MED28: variants seen among roughly 807,000 people sequenced by gnomAD.
MED28 encodes mediator complex subunit 28, also known as mediator of RNA polymerase II transcription subunit 28.
In MED28, 26 loss-of-function variants were observed where a neutral mutation model predicts 21.3. The ratio of observed to expected loss-of-function variants is 1.22; its 90% CI spans 0.89 to 1.69. The LOEUF (loss-of-function observed/expected upper bound fraction) is 1.69. Ranked by LOEUF, MED28 falls within the 40% of genes most tolerant of loss-of-function variation. The probability of loss-of-function intolerance (pLI) is 0.00; values close to 1 mark genes in which losing one functional copy is unlikely to be tolerated. For synonymous variants in MED28, 110 were observed against 87.6 expected (o/e 1.26, Z -1.43); for missense variants, 257 against 215.4 (o/e 1.19, Z -1.21).
chr4:17,620,441 C>T (rs74772193), intron 2 of MED28, among the ~76,000 whole-genome samples: 1 of 150,014 alleles, frequency 6.7e-6, no homozygotes, highest in African/African-American at 2.5e-5. Flanking sequence ...TCAGGCAGTT[C>T]TCTTGTCTCA....
In MED28 at chr4:17,632,666, T is replaced by A; in HGVS notation, c.*8868T>A. 1 of 1,370,506 alleles carries A rather than the reference T, an allele frequency of 7.3e-7. No homozygotes were observed. The highest frequency in any genetic ancestry group is 1.0e-6 in the Non-Finnish European group (1 of 988,442). 84.9% of individuals were successfully genotyped at this position (1,370,506 alleles called of 1,614,324 possible). On this transcript the variant is annotated 3_prime_UTR_variant, in exon 4 of 4. Coordinates refer to ENST00000237380, the MANE Select transcript of MED28 (RefSeq NM_025205.5). ...GGTTTTTTTATATGGTTTTGAAAAC[T>A]ATGCAAGAAGCAGCTTAATACCCAC...
Position 17,629,917 on chromosome 4 carries a change from T to G in MED28, c.*6119T>G, listed in dbSNP as rs1714874762. The stretch of plus-strand genomic sequence containing the variant: ...AACAAACAAAAAGCTTAAGTTTGTG[T>G]CCTTAAATGCCTTACTTCAATACCC... On this transcript the variant is annotated 3_prime_UTR_variant, in exon 4 of 4. Transcript: ENST00000237380. 1 of 152,220 alleles carries G rather than the reference T, an allele frequency of 6.6e-6. No individual in the cohort carries two copies. Among genetic ancestry groups the G allele is most frequent in the Admixed American group, 6.5e-5 (1 of 15,280 alleles). The allele number at this position is 152,220 out of a possible 1,614,324, so 9.4% of individuals were successfully genotyped here.
intron 3 of MED28, among the ~76,000 whole-genome samples, chr4:17,623,361 A>T (rs1486584033): frequency 6.8e-6 from 1 of 146,180 alleles, no homozygotes; most frequent in East Asian, 2.0e-4. Flanking sequence ...AGACCGCACC[A>T]CTGCACTCTA....
chr4:17,618,986 C>T (rs1714538587), intron 1 of MED28, among the ~76,000 whole-genome samples: 1 of 152,246 alleles, frequency 6.6e-6, no homozygotes, highest in Non-Finnish European at 1.5e-5. Context: ...TAAATTTGAG[C>T]TCAGATCTGT....
intron 3 of MED28, among the ~76,000 whole-genome samples, chr4:17,622,312 A>G (rs758451523): frequency 6.6e-6 from 1 of 152,198 alleles, no homozygotes; most frequent in African/African-American, 2.4e-5. Context: ...CACTGAATTG[A>G]GATTATTGGT....
chr4:17,619,166 G>C (rs998805912), intron 1 of MED28, among the ~76,000 whole-genome samples: 2 of 152,164 alleles, frequency 1.3e-5, no homozygotes, highest in Non-Finnish European at 2.9e-5. Flanking sequence ...TTTCCTTAGA[G>C]TTGCTTGTGC....
Position 17,626,916 on chromosome 4 carries a change from A to G in MED28, c.*3118A>G, listed in dbSNP as rs959317455. The G allele has an allele frequency of 1.1e-4, 16 of 150,048 alleles. No individual in the cohort carries two copies. Among genetic ancestry groups the G allele is most frequent in the African/African-American group, 3.4e-4 (14 of 40,836 alleles). 9.3% of individuals were successfully genotyped at this position (150,048 alleles called of 1,614,324 possible). On this transcript the variant is annotated 3_prime_UTR_variant, in exon 4 of 4. Transcript: ENST00000237380. ...CCTCCCAGAAGAACCTCTGCCTCCC[A>G]GAGGTTTAAGCAGTTCTCCTGCCTC...
rs186230470 is a variant in MED28, at chr4:17,630,467, G to T, written c.*6669G>T. The T allele has an allele frequency of 6.6e-6, 1 of 152,286 alleles. No homozygotes were observed. The highest frequency in any genetic ancestry group is 1.9e-4 in the East Asian group (1 of 5,172). 9.4% of individuals were successfully genotyped at this position (152,286 alleles called of 1,614,324 possible). On this transcript the variant is annotated 3_prime_UTR_variant, in exon 4 of 4. Transcript: ENST00000237380. ...CACGTAGCAGGCACCCATTTCTGAA[G>T]AATGGGCCCTCCCCAGACTCCATAT...
At position 17,621,704 on chromosome 4, in the gene MED28, G is replaced by T; in HGVS notation, c.339+5G>T. 1 of 1,589,220 alleles carries T rather than the reference G, an allele frequency of 6.3e-7. No homozygotes were observed. On this transcript the variant is annotated splice_donor_5th_base_variant and intron_variant, in intron 3 of 3. Coordinates refer to ENST00000237380, the MANE Select transcript of MED28 (RefSeq NM_025205.5). ...CCAGAGCAAGTTATCAAAGAGGTAT[G>T]AACTCAGTTTTCTCCTCAGCTCTAT...
At position 17,631,611 on chromosome 4, in the gene MED28, T is replaced by G. The variant is rs1714946476; in HGVS notation, c.*7813T>G. The G allele has an allele frequency of 6.6e-6, 1 of 152,240 alleles. No homozygotes were observed. The highest frequency in any genetic ancestry group is 1.5e-5 in the Non-Finnish European group (1 of 68,042). The allele number at this position is 152,240 out of a possible 1,614,324, so 9.4% of individuals were successfully genotyped here. A position where few individuals can be genotyped will look rare whatever the true frequency, so the allele number is the denominator to read the frequency against. ...TTGTGGTACTTAATTCCAATTCATG[T>G]TAATTTATGTTATCTTGCTTAATCC... On this transcript the variant is annotated 3_prime_UTR_variant, in exon 4 of 4. Transcript: ENST00000237380.
At chr4:17,618,729 G>A (rs1426561024) in intron 1 of MED28, among the ~76,000 whole-genome samples, 1 of 91,580 alleles carries the variant, frequency 1.1e-5, no homozygotes, top group Non-Finnish European at 2.4e-5. Context: ...TGTTAGTTAG[G>A]ATGGTGACTT....
At chr4:17,623,398 C>CAAAA (rs397880373) in intron 3 of MED28, among the ~76,000 whole-genome samples, 4 of 113,240 alleles carry the variant, frequency 3.5e-5, no homozygotes, top group African/African-American at 9.9e-5. Flanking sequence ...GACTTCGTCT[C>CAAAA]AAAAAAAAAA....
intron 1 of MED28, among the ~76,000 whole-genome samples, chr4:17,616,003 C>G (rs985173546): frequency 6.6e-6 from 1 of 152,120 alleles, no homozygotes; most frequent in Non-Finnish European, 1.5e-5. Flanking sequence ...CTCTCTCGCC[C>G]AGGCTGGAGT....
At chr4:17,615,619 G>A (rs1296798597) in intron 1 of MED28, among the ~76,000 whole-genome samples, 1 of 152,158 alleles carries the variant, frequency 6.6e-6, no homozygotes, top group East Asian at 1.9e-4. Flanking sequence ...AGACCAGCCT[G>A]ACCAACATGG....
chr4:17,633,768 A>T lies in MED28; in HGVS notation c.*9970A>T. On this transcript the variant is annotated 3_prime_UTR_variant, in exon 4 of 4. Transcript: ENST00000237380. ...CTGGGGCTTGGGTCCAAGCTGGGTG[A>T]TGTAGTTATTGGAGGGGCATTAATC... 3 of 1,551,512 alleles carry T rather than the reference A, an allele frequency of 1.9e-6. No homozygotes were observed. The highest frequency in any genetic ancestry group is 2.6e-6 in the Non-Finnish European group (3 of 1,146,946).
Position 17,619,763 on chromosome 4 carries a change from G to A in MED28, c.160-138G>A, listed in dbSNP as rs1442846573. 8.6e-6 allele frequency: 6 copies of A among 695,064 alleles called. No individual in the cohort carries two copies. In the African/African-American group the frequency reaches 1.1e-4, roughly 12 times the overall value. 43.1% of individuals were successfully genotyped at this position (695,064 alleles called of 1,614,324 possible). A position where few individuals can be genotyped will look rare whatever the true frequency, so the allele number is the denominator to read the frequency against. On this transcript the variant is annotated intron_variant, in intron 1 of 3. Transcript: ENST00000237380. ...GTTTACCAGATGTTTCCATTGGCATGGTGTCTTGCCATCTCATATGCAAAC... is the reference window on the plus strand; with the variant it reads ...GTTTACCAGATGTTTCCATTGGCATAGTGTCTTGCCATCTCATATGCAAAC...
In MED28 at chr4:17,623,513, G is replaced by A. The variant is rs1218302861; in HGVS notation, c.340-88G>A. 6 of 1,281,364 alleles carry A rather than the reference G, an allele frequency of 4.7e-6. No individual in the cohort carries two copies. The African/African-American group carries it at 8.9e-5, about 19-fold the overall frequency. The allele number at this position is 1,281,364 out of a possible 1,614,324, so 79.4% of individuals were successfully genotyped here. ...TAATATGGTTTAATGGATTCTCTTTGTTTTGAATTGTTAGCCTCTTAACTA... is the reference window on the plus strand; with the variant it reads ...TAATATGGTTTAATGGATTCTCTTTATTTTGAATTGTTAGCCTCTTAACTA... On this transcript the variant is annotated intron_variant, in intron 3 of 3. Transcript: ENST00000237380.
chr4:17,628,292 A>T lies in MED28; in HGVS notation c.*4494A>T, dbSNP rs62298069. On this transcript the variant is annotated 3_prime_UTR_variant, in exon 4 of 4. Coordinates refer to ENST00000237380, the MANE Select transcript of MED28 (RefSeq NM_025205.5). ...TGTGTGTGTGTGTGTGTGTGTGTGT[A>T]TGTGTATATGCGTATATATGTGTAT... The T allele has an allele frequency of 1.5e-5, 1 of 64,954 alleles. No homozygotes were observed. Among genetic ancestry groups the T allele is most frequent in the Non-Finnish European group, 3.4e-5 (1 of 29,674 alleles). The allele number at this position is 64,954 out of a possible 1,614,324, so 4.0% of individuals were successfully genotyped here. A position where few individuals can be genotyped will look rare whatever the true frequency, so the allele number is the denominator to read the frequency against.
At chr4:17,622,387 A>C (rs1248706966) in intron 3 of MED28, among the ~76,000 whole-genome samples, 2 of 152,232 alleles carry the variant, frequency 1.3e-5, no homozygotes, top group Admixed American at 6.5e-5. Flanking sequence ...TCATGATACC[A>C]GCTGTTGGGG....
Sources: allele counts gnomAD v4.1 joint callset (sites outside exome capture counted in the v4.1 genomes callset), GRCh38; gene constraint gnomAD v4.1.1; transcripts MANE v1.5; gene names NCBI Gene and HGNC (gene_info 2026-07-23, HGNC 2026-07-21).